PALLD: variants seen among roughly 807,000 people sequenced by gnomAD.
PALLD encodes palladin.
A neutral mutation model predicts 123.5 loss-of-function variants in PALLD; 61 were observed. The observed-to-expected ratio is 0.49, with a 90% CI of 0.40 to 0.61. PALLD has a LOEUF of 0.61. Ranked by LOEUF, PALLD falls within the 20% of genes least tolerant of loss-of-function variation. The pLI, the probability that PALLD is intolerant of heterozygous loss-of-function variation, is 0.00. For missense variants in PALLD, 1,273 were observed against 1,377.0 expected (o/e 0.92, Z 1.20); for synonymous variants, 465 against 496.4 (o/e 0.94, Z 0.84).
At chr4:168,797,863 G>A (rs1270033006) in intron 10 of PALLD, among the ~76,000 whole-genome samples, 13 of 145,120 alleles carry the variant, frequency 9.0e-5, no homozygotes, top group African/African-American at 2.9e-4. Flanking sequence ...TCGCTTGCTC[G>A]TTACAAAGCA....
intron 1 of PALLD, among the ~76,000 whole-genome samples, chr4:168,508,636 T>C (rs1762240005): frequency 6.6e-6 from 1 of 152,196 alleles, no homozygotes; most frequent in South Asian, 2.1e-4. Flanking sequence ...AAACTGAATT[T>C]CTTTCAGGCC....
chr4:168,919,536 A>C (rs575513494), intron 17 of PALLD, among the ~76,000 whole-genome samples: 1 of 152,094 alleles, frequency 6.6e-6, no homozygotes, highest in East Asian at 1.9e-4. Flanking sequence ...AAAAAAAAAA[A>C]AGTGAAAAAC....
chr4:168,886,417 A>G (rs1332302750), intron 10 of PALLD, among the ~76,000 whole-genome samples: 1 of 152,184 alleles, frequency 6.6e-6, no homozygotes, highest in African/African-American at 2.4e-5. Flanking sequence ...CAAAGCAGGA[A>G]GATCCCTTGA....
chr4:168,778,715 T>C lies in PALLD; in HGVS notation c.1964+66792T>C, dbSNP rs527589092. On this transcript the variant is annotated intron_variant, in intron 10 of 21. Transcript: ENST00000505667. ...GTAAGGAAACTGTCATTACTATCTATATTTTACAAAGAAAACTGAATCCAG... is the reference window on the plus strand; with the variant it reads ...GTAAGGAAACTGTCATTACTATCTACATTTTACAAAGAAAACTGAATCCAG... 3.3e-5 allele frequency among the ~76,000 whole-genome samples: 5 copies of C among 152,388 alleles called. No individual in the cohort carries two copies. The East Asian group carries it at 5.8e-4, about 18-fold the overall frequency.
At chr4:168,713,064 A>G (rs553764019) in intron 10 of PALLD, among the ~76,000 whole-genome samples, 1 of 152,258 alleles carries the variant, frequency 6.6e-6, no homozygotes, top group Non-Finnish European at 1.5e-5. Flanking sequence ...TAACAATTAT[A>G]TAAAACCAGA....
chr4:168,661,921 C>A (rs894542233), intron 2 of PALLD, among the ~76,000 whole-genome samples: 1 of 152,042 alleles, frequency 6.6e-6, no homozygotes, highest in African/African-American at 2.4e-5. Context: ...AAAATAAGGT[C>A]ATATTTGCAT....
chr4:168,580,556 G>C (rs1274730567), intron 2 of PALLD, among the ~76,000 whole-genome samples: 1 of 152,032 alleles, frequency 6.6e-6, no homozygotes, highest in Non-Finnish European at 1.5e-5. Context: ...ATTGTGGAAA[G>C]CAGTATGGAA....
At chr4:168,876,499 C>G (rs954541553) in intron 10 of PALLD, among the ~76,000 whole-genome samples, 3 of 152,184 alleles carry the variant, frequency 2.0e-5, no homozygotes, top group Non-Finnish European at 4.4e-5. Flanking sequence ...CCTTTCAGTT[C>G]CCAAGAAAGT....
intron 10 of PALLD, among the ~76,000 whole-genome samples, chr4:168,767,696 T>C (rs2150481242): frequency 6.6e-6 from 1 of 152,186 alleles, no homozygotes; most frequent in African/African-American, 2.4e-5. Context: ...TACGGGGATG[T>C]ACCACCACAC....
chr4:168,707,234 T>A lies in PALLD; in HGVS notation c.1502-1794T>A, dbSNP rs115376582. On this transcript the variant is annotated intron_variant, in intron 8 of 21. Coordinates refer to ENST00000505667, the MANE Select transcript of PALLD (RefSeq NM_001166108.2). ...GGTTTATCTTATCAAATTCTATGAG[T>A]TAGCTACTGCAATACAGTAGAGCAC... Among the ~76,000 whole-genome samples, 519 of 152,312 alleles carry A rather than the reference T, an allele frequency of 3.4e-3. 4 individuals are homozygous for A. Among genetic ancestry groups the A allele is most frequent in the African/African-American group, 9.1e-3 (377 of 41,574 alleles).
intron 2 of PALLD, among the ~76,000 whole-genome samples, chr4:168,608,728 AC>A (rs551286240): frequency 5.3e-5 from 8 of 151,704 alleles, no homozygotes; most frequent in Non-Finnish European, 1.2e-4. Context: ...ATTTTTCTAT[AC>A]CCTAACTTCT....
At chr4:168,545,857 A>G (rs1766090425) in intron 2 of PALLD, among the ~76,000 whole-genome samples, 1 of 152,212 alleles carries the variant, frequency 6.6e-6, no homozygotes, top group Non-Finnish European at 1.5e-5. Context: ...ATCATGTACA[A>G]TTATGATGGG....
In PALLD at chr4:168,830,584, T is replaced by C. The variant is rs933579240; in HGVS notation, c.1965-60338T>C. Among the ~76,000 whole-genome samples the C allele has an allele frequency of 2.6e-5, 4 of 152,188 alleles. No homozygotes were observed. The East Asian group carries it at 7.7e-4, about 29-fold the overall frequency. On this transcript the variant is annotated intron_variant, in intron 10 of 21. Transcript: ENST00000505667. Reference sequence around the variant, plus strand: ...AAACAATTATCTAAGCTATTTTAAGTGTGTGTTTAAATACACATCCAAAAG... The same window carrying C: ...AAACAATTATCTAAGCTATTTTAAGCGTGTGTTTAAATACACATCCAAAAG...
intron 2 of PALLD, among the ~76,000 whole-genome samples, chr4:168,625,029 A>C (rs754611870): frequency 4.9e-4 from 75 of 152,276 alleles, no homozygotes; most frequent in Admixed American, 9.1e-4. Context: ...AACAGGAATA[A>C]GAGTTTCTAT....
At chr4:168,608,936 AC>A (rs1215630723) in intron 2 of PALLD, among the ~76,000 whole-genome samples, 1 of 150,736 alleles carries the variant, frequency 6.6e-6, no homozygotes, top group Non-Finnish European at 1.5e-5. Context: ...CCCCTGAGGC[AC>A]CCAGAGTTTC....
intron 2 of PALLD, among the ~76,000 whole-genome samples, chr4:168,623,184 G>GA (rs1286528920): frequency 6.6e-6 from 1 of 152,124 alleles, no homozygotes; most frequent in African/African-American, 2.4e-5. Context: ...GTTTATTGGG[G>GA]ATACCTGCTC....
At chr4:168,893,323 C>T (rs187679914) in intron 11 of PALLD, among the ~76,000 whole-genome samples, 114 of 152,198 alleles carry the variant, frequency 7.5e-4, no homozygotes, top group Middle Eastern at 3.4e-3. Flanking sequence ...TGCTTCATGC[C>T]GCCCTCAGAC....
chr4:168,654,470 A>G (rs1778360774), intron 2 of PALLD, among the ~76,000 whole-genome samples: 1 of 152,246 alleles, frequency 6.6e-6, no homozygotes, highest in Admixed American at 6.5e-5. Flanking sequence ...TTTCATCATG[A>G]CATAACGAAA....
At chr4:168,546,881 A>T (rs1416747654) in intron 2 of PALLD, among the ~76,000 whole-genome samples, 4 of 152,212 alleles carry the variant, frequency 2.6e-5, no homozygotes, top group Non-Finnish European at 5.9e-5. Flanking sequence ...TCAATCCATC[A>T]CATGCTGATC....
Sources: gnomAD v4.1 joint callset for allele counts (sites outside exome capture counted in the v4.1 genomes callset) on GRCh38, gnomAD v4.1.1 for gene constraint, MANE v1.5 for transcripts, NCBI Gene and HGNC (gene_info 2026-07-23, HGNC 2026-07-21) for gene names.